NAV2: variants seen among roughly 807,000 people sequenced by gnomAD.
The protein encoded by NAV2 is helicase, APC down-regulated 1.
Under a neutral mutation model 223.2 loss-of-function variants are expected in NAV2, and 54 were observed. The observed-to-expected ratio is 0.24, with a 90% confidence interval of 0.19 to 0.30. The LOEUF (loss-of-function observed/expected upper bound fraction) is 0.30. NAV2 is among the 10% of genes least tolerant of loss of function. The probability of loss-of-function intolerance (pLI) is 1.00; values close to 1 mark genes in which losing one functional copy is unlikely to be tolerated. For synonymous variants in NAV2, 1,279 were observed against 1,239.3 expected (o/e 1.03, Z -0.67); for missense variants, 2,806 against 3,147.5 (o/e 0.89, Z 2.60).
chr11:20,065,763 T>G (rs143897147), intron 20 of NAV2, among the ~76,000 whole-genome samples: 1 of 152,208 alleles, frequency 6.6e-6, no homozygotes, highest in Non-Finnish European at 1.5e-5. Flanking sequence ...TGTTTCAAAG[T>G]AGCCTTGTCC....
intron 1 of NAV2, among the ~76,000 whole-genome samples, chr11:19,615,023 G>A (rs554971241): frequency 6.6e-6 from 1 of 152,122 alleles, no homozygotes; most frequent in African/African-American, 2.4e-5. Context: ...GAGGGGTCAT[G>A]ATGGAGTCAA....
intron 11 of NAV2, among the ~76,000 whole-genome samples, chr11:20,020,345 A>G (rs1198225085): frequency 6.6e-6 from 1 of 152,218 alleles, no homozygotes; most frequent in Non-Finnish European, 1.5e-5. Context: ...AAGTGTTATG[A>G]GTTCTGGGAG....
At chr11:20,065,489 A>T (rs565340350) in intron 20 of NAV2, among the ~76,000 whole-genome samples, 7 of 152,372 alleles carry the variant, frequency 4.6e-5, no homozygotes, top group African/African-American at 1.7e-4. Context: ...AGAAAATCTC[A>T]AAGGCCACTT....
chr11:19,577,591 C>G (rs1279646229), intron 1 of NAV2, among the ~76,000 whole-genome samples: 2 of 152,252 alleles, frequency 1.3e-5, no homozygotes, highest in African/African-American at 2.4e-5. Context: ...GATCTCTCAA[C>G]AAAATGTTTT....
intron 2 of NAV2, among the ~76,000 whole-genome samples, chr11:19,837,076 C>A (rs565550046): frequency 6.6e-6 from 1 of 152,322 alleles, no homozygotes; most frequent in South Asian, 2.1e-4. Context: ...CAGACCACAG[C>A]AGCTCTTCTT....
intron 1 of NAV2, among the ~76,000 whole-genome samples, chr11:19,647,722 G>T (rs1401860323): frequency 3.9e-5 from 6 of 152,176 alleles, no homozygotes; most frequent in Admixed American, 3.3e-4. Flanking sequence ...AGTAGAGGGA[G>T]AAAGTCAAGG....
chr11:19,401,505 C>T (rs1049293903), intron 1 of NAV2, among the ~76,000 whole-genome samples: 4 of 152,166 alleles, frequency 2.6e-5, no homozygotes, highest in African/African-American at 9.7e-5. Flanking sequence ...TGCAGCCAAG[C>T]TTTATTTGGC....
Position 19,832,402 on chromosome 11 carries a change from T to G in NAV2, c.268-82T>G. ...AGCTCACCAATGGGACAGTGGCCAC[T>G]GTGCCGGCCCGAGCAGCTGCCTCAG... On this transcript the variant is annotated intron_variant, in intron 1 of 37. Coordinates refer to ENST00000349880, the MANE Select transcript of NAV2 (RefSeq NM_145117.5). 5 of 1,035,612 alleles carry G rather than the reference T, an allele frequency of 4.8e-6. No homozygotes were observed. In the South Asian group the frequency reaches 5.4e-5, roughly 11 times the overall value. 64.2% of individuals were successfully genotyped at this position (1,035,612 alleles called of 1,614,324 possible).
At chr11:20,098,694 C>T (rs573111492) in intron 31 of NAV2, among the ~76,000 whole-genome samples, 50 of 152,342 alleles carry the variant, frequency 3.3e-4, no homozygotes, top group African/African-American at 1.2e-3. Flanking sequence ...GCTTGAGCCT[C>T]ACACAGCCTC....
chr11:20,118,051 G>A (rs1217504025), intron 37 of NAV2, 82 bp from the exon 38 acceptor site: 1 of 1,523,500 alleles, frequency 6.6e-7, no homozygotes, highest in Non-Finnish European at 8.9e-7. Flanking sequence ...GAGTCTGGAG[G>A]AGGTGGCATG....
intron 1 of NAV2, among the ~76,000 whole-genome samples, chr11:19,831,745 T>C (rs1278395300): frequency 6.6e-6 from 1 of 152,170 alleles, no homozygotes; most frequent in African/African-American, 2.4e-5. Context: ...TCAGATATGT[T>C]CCCCAAGGGG....
intron 6 of NAV2, among the ~76,000 whole-genome samples, chr11:19,918,141 G>A (rs2043965562): frequency 6.6e-6 from 1 of 152,252 alleles, no homozygotes; most frequent in Non-Finnish European, 1.5e-5. Context: ...GCACCTCAGT[G>A]TGGAGCTAAT....
intron 35 of NAV2, among the ~76,000 whole-genome samples, chr11:20,106,290 G>A (rs1195986779): frequency 7.1e-6 from 1 of 141,726 alleles, no homozygotes; most frequent in East Asian, 2.1e-4. Context: ...CGGGCATGGT[G>A]GCTCATGCCT....
chr11:20,016,632 A>G (rs1173365810), intron 11 of NAV2, among the ~76,000 whole-genome samples: 1 of 152,184 alleles, frequency 6.6e-6, no homozygotes, highest in Admixed American at 6.5e-5. Context: ...GGAGGGATCC[A>G]CAATCTGGGT....
chr11:19,670,221 C>G (rs1438004284), intron 1 of NAV2, among the ~76,000 whole-genome samples: 1 of 152,240 alleles, frequency 6.6e-6, no homozygotes, highest in African/African-American at 2.4e-5. Context: ...CCATCCATGA[C>G]ATCTCTGCGT....
intron 1 of NAV2, among the ~76,000 whole-genome samples, chr11:19,678,156 G>T (rs1303969305): frequency 6.6e-6 from 1 of 152,200 alleles, no homozygotes; most frequent in African/African-American, 2.4e-5. Flanking sequence ...CACTTGGAGA[G>T]CGCCCAAGAT....
chr11:19,647,052 G>A (rs1286378383), intron 1 of NAV2, among the ~76,000 whole-genome samples: 1 of 152,160 alleles, frequency 6.6e-6, no homozygotes, highest in East Asian at 1.9e-4. Flanking sequence ...AGTAAGAGAC[G>A]ACACTTTTTC....
At chr11:19,509,372 C>T (rs2043209409) in intron 1 of NAV2, among the ~76,000 whole-genome samples, 1 of 152,142 alleles carries the variant, frequency 6.6e-6, no homozygotes, top group Non-Finnish European at 1.5e-5. Flanking sequence ...GGGCCCCAAA[C>T]CCTCAAAGGA....
intron 11 of NAV2, among the ~76,000 whole-genome samples, chr11:20,028,850 C>T (rs940991645): frequency 1.3e-5 from 2 of 152,174 alleles, no homozygotes; most frequent in Non-Finnish European, 2.9e-5. Flanking sequence ...GGTTCAGACA[C>T]TCTATTGTGA....
Sources: gnomAD v4.1 joint callset for allele counts (sites outside exome capture counted in the v4.1 genomes callset) on GRCh38, gnomAD v4.1.1 for gene constraint, MANE v1.5 for transcripts, NCBI Gene and HGNC (gene_info 2026-07-23, HGNC 2026-07-21) for gene names.